Variants in ERI3 observed in about 807,000 individuals in gnomAD.
ERI3 encodes the protein ERI1 exoribonuclease family member 3.
ERI3 carries 18 observed loss-of-function variants against 44.4 expected under a neutral mutation model. That is an observed-to-expected ratio of 0.41 (90% confidence interval 0.28 to 0.60). The LOEUF (loss-of-function observed/expected upper bound fraction) is 0.60. ERI3 is among the 20% of genes least tolerant of loss of function. ERI3 has a pLI of 0.36. For missense variants in ERI3, 294 were observed against 435.5 expected (o/e 0.68, Z 2.89); for synonymous variants, 183 against 164.8 (o/e 1.11, Z -0.84).
intron 8 of ERI3, among the ~76,000 whole-genome samples, chr1:44,230,045 C>T (rs1381193513): frequency 6.6e-6 from 1 of 152,156 alleles, no homozygotes; most frequent in Non-Finnish European, 1.5e-5. Flanking sequence ...TATTACACGC[C>T]TTGTTAGAGT....
At chr1:44,251,013 T>C (rs1040335271) in intron 7 of ERI3, among the ~76,000 whole-genome samples, 1 of 152,162 alleles carries the variant, frequency 6.6e-6, no homozygotes, top group Non-Finnish European at 1.5e-5. Flanking sequence ...GGGGCCACCC[T>C]AAGCATAGTA....
At chr1:44,258,768 G>A (rs1644829079) in intron 7 of ERI3, among the ~76,000 whole-genome samples, 1 of 152,172 alleles carries the variant, frequency 6.6e-6, no homozygotes, top group East Asian at 1.9e-4. Context: ...AGAAGCAGAT[G>A]AGTGGTACAA....
chr1:44,303,299 T>TA (rs1211969225), intron 6 of ERI3, among the ~76,000 whole-genome samples: 2 of 152,244 alleles, frequency 1.3e-5, no homozygotes, highest in African/African-American at 4.8e-5. Context: ...CAGGCTGGTG[T>TA]AGCAAGGCCT....
intron 6 of ERI3, among the ~76,000 whole-genome samples, chr1:44,296,099 G>A (rs1645605499): frequency 1.3e-5 from 2 of 152,148 alleles, no homozygotes; most frequent in Admixed American, 1.3e-4. Flanking sequence ...CTTTATCCCT[G>A]GGGAAAGGAA....
intron 3 of ERI3, among the ~76,000 whole-genome samples, chr1:44,337,574 C>A (rs1180198759): frequency 6.6e-6 from 1 of 152,202 alleles, no homozygotes; most frequent in Non-Finnish European, 1.5e-5. Context: ...ACCCAAAGGA[C>A]CTTCCTTTAG....
At chr1:44,308,790 A>T (rs1223850167) in intron 5 of ERI3, among the ~76,000 whole-genome samples, 1 of 152,236 alleles carries the variant, frequency 6.6e-6, no homozygotes, top group Non-Finnish European at 1.5e-5. Flanking sequence ...GGCCCCAAAC[A>T]GGAGCTCCAA....
intron 3 of ERI3, among the ~76,000 whole-genome samples, chr1:44,330,758 G>C (rs1260464809): frequency 6.6e-6 from 1 of 152,046 alleles, no homozygotes; most frequent in Non-Finnish European, 1.5e-5. Context: ...AAGAATGTGG[G>C]GGTTTTTTAA....
chr1:44,229,817 T>C (rs1481527321), intron 8 of ERI3, among the ~76,000 whole-genome samples: 2 of 152,128 alleles, frequency 1.3e-5, no homozygotes, highest in Non-Finnish European at 2.9e-5. Context: ...CTGGCCCTAA[T>C]GCTGCCTCTT....
Position 44,339,340 on chromosome 1 carries a change from T to TAAAAAAAAAAAAAAAAAAAAAA in ERI3, c.212-19_212-18insTTTTTTTTTTTTTTTTTTTTTT. 1 of 975,756 alleles carries TAAAAAAAAAAAAAAAAAAAAAA rather than the reference T, an allele frequency of 1.0e-6. No individual in the cohort carries two copies. The highest frequency in any genetic ancestry group is 3.6e-5 in the South Asian group (1 of 28,050). The allele number at this position is 975,756 out of a possible 1,614,324, so 60.4% of individuals were successfully genotyped here. On this transcript the variant is annotated intron_variant, in intron 2 of 8. Transcript: ENST00000372257. ...ATCTAAAACTTAGGGGAGGAAAGTT[T>TAAAAAAAAAAAAAAAAAAAAAA]AAAAAAAAAAAAAAAAAAGAAAAGA...
At chr1:44,332,548 G>A (rs112134349) in intron 3 of ERI3, among the ~76,000 whole-genome samples, 1 of 152,302 alleles carries the variant, frequency 6.6e-6, no homozygotes, top group African/African-American at 2.4e-5. Flanking sequence ...CAAATAAACC[G>A]CTTCGATCCT....
intron 6 of ERI3, among the ~76,000 whole-genome samples, chr1:44,287,777 T>C (rs1344045093): frequency 1.3e-5 from 2 of 152,266 alleles, no homozygotes; most frequent in Non-Finnish European, 2.9e-5. Context: ...TCCTTCATAT[T>C]TGTGGAAATG....
At chr1:44,246,356 C>T (rs1394037944) in intron 8 of ERI3, among the ~76,000 whole-genome samples, 1 of 152,202 alleles carries the variant, frequency 6.6e-6, no homozygotes, top group Non-Finnish European at 1.5e-5. Flanking sequence ...ATTCAAGTGT[C>T]CTCTTCTCTA....
At chr1:44,259,809 G>C (rs572922690) in intron 7 of ERI3, among the ~76,000 whole-genome samples, 55 of 151,814 alleles carry the variant, frequency 3.6e-4, no homozygotes, top group Non-Finnish European at 6.9e-4. Context: ...AAGCCCAGGG[G>C]GTTGAGGCTG....
intron 8 of ERI3, among the ~76,000 whole-genome samples, chr1:44,234,545 G>A (rs1170315532): frequency 6.6e-6 from 1 of 151,932 alleles, no homozygotes; most frequent in African/African-American, 2.4e-5. Context: ...TGTAATCCCA[G>A]CTACTCGGGA....
intron 7 of ERI3, among the ~76,000 whole-genome samples, chr1:44,262,233 GC>G (rs1241822639): frequency 1.3e-5 from 2 of 152,072 alleles, no homozygotes; most frequent in Non-Finnish European, 2.9e-5. Flanking sequence ...TGTCCTCTCT[GC>G]CCCATGCTAG....
At chr1:44,249,875 G>T (rs1287899102) in intron 7 of ERI3, among the ~76,000 whole-genome samples, 1 of 152,194 alleles carries the variant, frequency 6.6e-6, no homozygotes, top group Non-Finnish European at 1.5e-5. Context: ...CGGATTAAAC[G>T]ATCAGAAATT....
intron 7 of ERI3, among the ~76,000 whole-genome samples, chr1:44,248,545 G>T (rs1337582036): frequency 1.3e-5 from 2 of 152,162 alleles, no homozygotes; most frequent in Admixed American, 6.5e-5. Context: ...AGGTGCCATG[G>T]TCAAGGTGCT....
chr1:44,327,023 C>G (rs1646330422), intron 3 of ERI3, among the ~76,000 whole-genome samples: 1 of 152,196 alleles, frequency 6.6e-6, no homozygotes, highest in Admixed American at 6.5e-5. Context: ...TCAGAAACAG[C>G]CACAGTTCAA....
At chr1:44,282,879 C>G (rs536957540) in intron 7 of ERI3, among the ~76,000 whole-genome samples, 1 of 152,174 alleles carries the variant, frequency 6.6e-6, no homozygotes. Flanking sequence ...GGGAACCAAA[C>G]TGAACAGACT....
Sources: gnomAD v4.1 joint callset for allele counts (sites outside exome capture counted in the v4.1 genomes callset) on GRCh38, gnomAD v4.1.1 for gene constraint, MANE v1.5 for transcripts, NCBI Gene and HGNC (gene_info 2026-07-23, HGNC 2026-07-21) for gene names.